The following CTNNA3 variants were observed in gnomAD, a reference collection of about 807,000 sequenced individuals.
The protein encoded by CTNNA3 is catenin alpha 3, also known as catenin alpha-3.
CTNNA3 carries 76 observed loss-of-function variants against 95.7 expected under a neutral mutation model. That is an observed-to-expected ratio of 0.79 (90% CI 0.66 to 0.96). The LOEUF is 0.96. Among genes scored for constraint, CTNNA3 ranks in the 40% least tolerant of loss-of-function variants. The probability of loss-of-function intolerance (pLI) is 0.00; values close to 1 mark genes in which losing one functional copy is unlikely to be tolerated. For missense variants in CTNNA3, 1,191 were observed against 1,089.8 expected (o/e 1.09, Z -1.31); for synonymous variants, 431 against 374.4 (o/e 1.15, Z -1.74).
chr10:65,966,238 A>C (rs918311261), intron 17 of CTNNA3, among the ~76,000 whole-genome samples: 5 of 152,210 alleles, frequency 3.3e-5, no homozygotes, highest in African/African-American at 1.2e-4. Context: ...GCAGCGAAGC[A>C]ATCATTTTAT....
chr10:66,261,760 TC>T (rs2091009241), intron 13 of CTNNA3, among the ~76,000 whole-genome samples: 1 of 151,912 alleles, frequency 6.6e-6, no homozygotes, highest in Non-Finnish European at 1.5e-5. Flanking sequence ...GTTCTTCGGA[TC>T]CCCAATTCCA....
At chr10:66,423,542 A>G (rs1394438338) in intron 11 of CTNNA3, among the ~76,000 whole-genome samples, 1 of 152,178 alleles carries the variant, frequency 6.6e-6, no homozygotes, top group Non-Finnish European at 1.5e-5. Flanking sequence ...ATCTCGAACC[A>G]GAAACATTCC....
At chr10:66,507,106 T>G (rs1009118744) in intron 11 of CTNNA3, among the ~76,000 whole-genome samples, 2 of 152,202 alleles carry the variant, frequency 1.3e-5, no homozygotes, top group Admixed American at 1.3e-4. Context: ...CCATTTTCTT[T>G]GTCAAATTTA....
chr10:67,645,380 T>C (rs1313647085), intron 2 of CTNNA3, among the ~76,000 whole-genome samples: 1 of 152,154 alleles, frequency 6.6e-6, no homozygotes, highest in Non-Finnish European at 1.5e-5. Flanking sequence ...TCAGCAACCT[T>C]TGTGATTAGC....
chr10:66,427,707 G>GA (rs1394307309), intron 11 of CTNNA3, among the ~76,000 whole-genome samples: 1 of 152,100 alleles, frequency 6.6e-6, no homozygotes, highest in Non-Finnish European at 1.5e-5. Flanking sequence ...AATGCTGAGA[G>GA]ATTTTGTCAC....
intron 7 of CTNNA3, among the ~76,000 whole-genome samples, chr10:67,032,167 A>T (rs967931959): frequency 3.3e-5 from 5 of 152,080 alleles, no homozygotes; most frequent in African/African-American, 1.2e-4. Context: ...AAAATATACA[A>T]CTTGCCCATG....
At chr10:66,394,036 T>C (rs973658630) in intron 11 of CTNNA3, among the ~76,000 whole-genome samples, 4 of 152,080 alleles carry the variant, frequency 2.6e-5, no homozygotes, top group Admixed American at 1.3e-4. Context: ...CTAAATTTTA[T>C]AGAAATGGTA....
At chr10:67,700,608 C>T (rs1031706944), upstream of CTNNA3, among the ~76,000 whole-genome samples, 5 of 152,150 alleles carry the variant, frequency 3.3e-5, no homozygotes, top group African/African-American at 1.2e-4. Context: ...AGGACATCCA[C>T]ACCAAAAACC....
intron 17 of CTNNA3, among the ~76,000 whole-genome samples, chr10:65,950,912 A>T (rs77953272): frequency 6.6e-6 from 1 of 151,062 alleles, no homozygotes; most frequent in Non-Finnish European, 1.5e-5. Flanking sequence ...CTTCATCCAG[A>T]TTTTTTTTTC....
intron 9 of CTNNA3, among the ~76,000 whole-genome samples, chr10:66,690,511 T>G (rs1160034981): frequency 6.7e-6 from 1 of 150,040 alleles, no homozygotes; most frequent in Non-Finnish European, 1.5e-5. Flanking sequence ...GAGTGTGATG[T>G]TCCCCTTCCT....
intron 10 of CTNNA3, among the ~76,000 whole-genome samples, chr10:66,552,747 C>G (rs927574898): frequency 2.0e-5 from 3 of 151,858 alleles, no homozygotes; most frequent in African/African-American, 7.3e-5. Flanking sequence ...TTTTATATAT[C>G]TCTGAAAAAT....
chr10:65,948,296 A>AAAAG lies in CTNNA3; in HGVS notation c.2400+18312_2400+18315dup, dbSNP rs1554819635. 2.0e-3 allele frequency among the ~76,000 whole-genome samples: 278 copies of AAAAG among 141,172 alleles called. 3 individuals carry two copies. Among genetic ancestry groups the AAAAG allele is most frequent in the South Asian group, 5.4e-3 (23 of 4,280 alleles). 92.6% of individuals were successfully genotyped at this position (141,172 alleles called of 152,430 possible). A position where few individuals can be genotyped will look rare whatever the true frequency, so the allele number is the denominator to read the frequency against. On this transcript the variant is annotated intron_variant, in intron 17 of 17. Coordinates refer to ENST00000433211, the MANE Select transcript of CTNNA3 (RefSeq NM_013266.4). ...ACTCCATCTCAAAAAAAAAAAAAAAAAAAGAAAGAAAGAAATACCACGTAA... is the reference window on the plus strand; with the variant it reads ...ACTCCATCTCAAAAAAAAAAAAAAAAAAAGAAAGAAAGAAAGAAATACCACGTAA...
intron 4 of CTNNA3, among the ~76,000 whole-genome samples, chr10:67,532,947 A>C (rs969694814): frequency 6.6e-6 from 1 of 152,146 alleles, no homozygotes; most frequent in Non-Finnish European, 1.5e-5. Flanking sequence ...GCCAAAAGCC[A>C]TGTTTTCTTC....
intron 11 of CTNNA3, among the ~76,000 whole-genome samples, chr10:66,442,991 A>G (rs1434545445): frequency 1.3e-5 from 2 of 152,208 alleles, no homozygotes; most frequent in South Asian, 2.1e-4. Context: ...CTTAAAAAAC[A>G]GCACACCAGG....
At chr10:66,058,207 T>G (rs2080123307) in intron 15 of CTNNA3, among the ~76,000 whole-genome samples, 1 of 152,162 alleles carries the variant, frequency 6.6e-6, no homozygotes, top group African/African-American at 2.4e-5. Flanking sequence ...TTTCACATAC[T>G]CCAACTATGC....
intron 13 of CTNNA3, among the ~76,000 whole-genome samples, chr10:66,143,911 G>T (rs1203584127): frequency 2.0e-5 from 3 of 152,098 alleles, no homozygotes; most frequent in African/African-American, 7.2e-5. Flanking sequence ...CTTGATTTAG[G>T]TGCTTAATTA....
At chr10:66,811,690 C>A (rs966054860) in intron 7 of CTNNA3, among the ~76,000 whole-genome samples, 1 of 152,136 alleles carries the variant, frequency 6.6e-6, no homozygotes, top group African/African-American at 2.4e-5. Flanking sequence ...AGTTGAGAAC[C>A]ACTGAAATTT....
At position 67,150,836 on chromosome 10, in the gene CTNNA3, AT is replaced by A. The variant is rs545236341; in HGVS notation, c.1047+29480del. Among the ~76,000 whole-genome samples, 287 of 152,286 alleles carry A rather than the reference AT, an allele frequency of 1.9e-3. 1 individual carries two copies. Among genetic ancestry groups the A allele is most frequent in the South Asian group, 8.9e-3 (43 of 4,826 alleles). ...CATGTTTAACAGATTTATCAGCCTT[AT>A]TTTGAGATTTGGTATGAGGGGAAGA... On this transcript the variant is annotated intron_variant, in intron 7 of 17. Coordinates refer to ENST00000433211, the MANE Select transcript of CTNNA3 (RefSeq NM_013266.4).
At chr10:65,946,443 A>G (rs767266339) in intron 17 of CTNNA3, among the ~76,000 whole-genome samples, 1 of 151,950 alleles carries the variant, frequency 6.6e-6, no homozygotes, top group African/African-American at 2.4e-5. Context: ...CTCTCACTCA[A>G]TCACACTCTC....
Sources: allele counts gnomAD v4.1 joint callset (sites outside exome capture counted in the v4.1 genomes callset), GRCh38; gene constraint gnomAD v4.1.1; transcripts MANE v1.5; gene names NCBI Gene and HGNC (gene_info 2026-07-23, HGNC 2026-07-21).